CLDN15: variants seen among roughly 807,000 people sequenced by gnomAD.
The protein encoded by CLDN15 is claudin 15.
CLDN15 carries 9 observed loss-of-function variants against 24.5 expected under a neutral mutation model. The ratio of observed to expected loss-of-function variants is 0.37; its 90% CI spans 0.22 to 0.64. The LOEUF is 0.64. Among genes scored for constraint, CLDN15 ranks in the 30% least tolerant of loss-of-function variants. CLDN15 has a pLI of 0.63. For synonymous variants in CLDN15, 149 were observed against 131.4 expected (o/e 1.13, Z -0.92); for missense variants, 248 against 305.9 (o/e 0.81, Z 1.41).
chr7:101,232,654 G>A lies in CLDN15; in HGVS notation c.531C>T (p.Leu177=), dbSNP rs769567364. The A allele has an allele frequency of 6.3e-6, 10 of 1,587,416 alleles. No homozygotes were observed. In the East Asian group the frequency reaches 2.1e-4, roughly 33 times the overall value. ...CGCAGCAGCAGGCGGAGCAGAGGCA[G>A]AGGCCACCCAGGATGGAGATCAGTG... is the stretch of plus-strand genomic sequence containing the variant. ...SASLISILGG[L]CLCSACCCGS... The change falls in exon 4 of 5, where the codon CTC becomes CTT. Residue 177 remains leucine (L), a synonymous_variant. Coordinates refer to ENST00000308344, the MANE Select transcript of CLDN15 (RefSeq NM_014343.3).
Position 101,232,318 on chromosome 7 carries a change from G to A in CLDN15, c.*92C>T. ...GGGGCTACGGGAGCGGGGCGTGGCC[G>A]GCCCCTGAGGTTACTATAGGGGAAT... is the stretch of plus-strand genomic sequence containing the variant. On this transcript the variant is annotated 3_prime_UTR_variant, in exon 5 of 5. Transcript: ENST00000308344. 3 of 877,072 alleles carry A rather than the reference G, an allele frequency of 3.4e-6. No individual in the cohort carries two copies. The highest frequency in any genetic ancestry group is 5.3e-6 in the Non-Finnish European group (3 of 566,858). 54.3% of individuals were successfully genotyped at this position (877,072 alleles called of 1,614,324 possible). A position where few individuals can be genotyped will look rare whatever the true frequency, so the allele number is the denominator to read the frequency against.
At chr7:101,237,859 C>A, upstream of CLDN15, 1 of 469,260 alleles carries the variant, frequency 2.1e-6, no homozygotes, top group South Asian at 2.2e-5. This position sits in a 1 kb window ranked among gnomAD's most constrained non-coding sequence, Gnocchi z 4.0. Context: ...CCGAAACGGG[C>A]CAAAAGTCCA....
chr7:101,237,392 C>G lies in CLDN15; in HGVS notation c.190G>C (p.Glu64Gln). 6.2e-7 allele frequency: 1 copy of G among 1,612,478 alleles called. No individual in the cohort carries two copies. The highest frequency in any genetic ancestry group is 2.2e-5 in the East Asian group (1 of 44,834). Residue 64 changes from glutamate (E) to glutamine (Q), a missense_variant, in exon 1 of 5, where the codon GAG becomes CAG. By Grantham distance (29) the Glu-to-Gln change is conservative. Coordinates refer to ENST00000308344, the MANE Select transcript of CLDN15 (RefSeq NM_014343.3). This position sits in a 1 kb window ranked among gnomAD's most constrained non-coding sequence, Gnocchi z 4.0. ...TDSLGVYNCW[E>Q]FPSMLALSGY... Reference sequence around the variant, plus strand: ...GAGAGGGCCAGCATGGACGGGAACTCCCAGCAGTTGTAGACGCCCAGGGAG... The same window carrying G: ...GAGAGGGCCAGCATGGACGGGAACTGCCAGCAGTTGTAGACGCCCAGGGAG...
Position 101,232,812 on chromosome 7 carries a change from G to C in CLDN15, c.464+21C>G, listed in dbSNP as rs145036902. ...CCACCCGCTGCCCCGAGGGCGGGGGGTGGGGGGTTTCCTCACTCACTTGGT... is the reference window on the plus strand; with the variant it reads ...CCACCCGCTGCCCCGAGGGCGGGGGCTGGGGGGTTTCCTCACTCACTTGGT... On this transcript the variant is annotated intron_variant, in intron 3 of 4. Transcript: ENST00000308344. 4.4e-6 allele frequency: 7 copies of C among 1,600,306 alleles called. No homozygotes were observed. In the East Asian group the frequency reaches 1.1e-4, roughly 26 times the overall value.
chr7:101,237,220 C>T lies in CLDN15; in HGVS notation c.217+145G>A, dbSNP rs11971079. 35,666 of 665,644 alleles carry T rather than the reference C, an allele frequency of 0.054. 1,113 individuals carry two copies. Among genetic ancestry groups the T allele is most frequent in the Non-Finnish European group, 0.066 (24,664 of 372,234 alleles). 41.2% of individuals were successfully genotyped at this position (665,644 alleles called of 1,614,324 possible). The stretch of plus-strand genomic sequence containing the variant: ...TCACTCCAGTTCTAGGCATGGGCCG[C>T]CCCCAGCACTCCTGGCTGCGGGAAC... On this transcript the variant is annotated intron_variant, in intron 1 of 4. Transcript: ENST00000308344. The surrounding 1 kb of genome is among the most constrained non-coding windows in gnomAD (Gnocchi z 4.0).
intron 2 of CLDN15, 176 bp downstream of exon 2, chr7:101,234,102 T>G: frequency 2.7e-6 from 2 of 740,788 alleles, no homozygotes; most frequent in East Asian, 2.6e-5. Context: ...ATGGGCTGAT[T>G]TGCAGCCAGG....
chr7:101,234,572 A>G (rs1798589128), intron 1 of CLDN15, 130 bp from the exon 2 acceptor site: 16 of 627,630 alleles, frequency 2.5e-5, no homozygotes, highest in Non-Finnish European at 4.2e-5. Flanking sequence ...GATTACAGAC[A>G]CGCACCACCA....
rs1045072153 is a variant in CLDN15, at chr7:101,232,727, A to G, written c.465-7T>C. 9 of 1,592,014 alleles carry G rather than the reference A, an allele frequency of 5.7e-6. No individual in the cohort carries two copies. The Admixed American group carries it at 6.9e-5, about 12-fold the overall frequency. On this transcript the variant is annotated splice_region_variant and splice_polypyrimidine_tract_variant and intron_variant, in intron 3 of 4. Transcript: ENST00000308344. ...GGCGGGGCCCAGCTCGTACCTGCGC[A>G]CAAGGGCGGCGCGGGGGCGGGGGAC...
intron 2 of CLDN15, chr7:101,233,955 G>GTT (rs1798572867): frequency 8.1e-6 from 4 of 494,906 alleles, no homozygotes; most frequent in Non-Finnish European, 1.6e-5. Context: ...CTGTGTGTGT[G>GTT]CGCCATAGCG....
chr7:101,236,213 T>C (rs1798618259), intron 1 of CLDN15, among the ~76,000 whole-genome samples: 1 of 151,864 alleles, frequency 6.6e-6, no homozygotes, highest in Non-Finnish European at 1.5e-5. Flanking sequence ...CACTCAGAAC[T>C]CTGGGGTTCT....
At position 101,233,610 on chromosome 7, in the gene CLDN15, A is replaced by AT. The variant is rs34812545; in HGVS notation, c.382+667dup. ...TCAAGGCAGTTCTCCTGCCTTGGCC[A>AT]TTTTTTTTTTGACAGTCTCACTCTT... On this transcript the variant is annotated intron_variant, in intron 2 of 4. Coordinates refer to ENST00000308344, the MANE Select transcript of CLDN15 (RefSeq NM_014343.3). Among the ~76,000 whole-genome samples, 867 of 149,086 alleles carry AT rather than the reference A, an allele frequency of 5.8e-3. 9 individuals carry two copies. The highest frequency in any genetic ancestry group is 0.02 in the African/African-American group (797 of 40,834).
At chr7:101,234,488 A>C in intron 1 of CLDN15, 46 bp from the exon 2 acceptor site, 2 of 1,458,624 alleles carry the variant, frequency 1.4e-6, no homozygotes, top group Non-Finnish European at 1.9e-6. Flanking sequence ...CCCCTCTGCG[A>C]CGGAGCCAGC....
Position 101,234,436 on chromosome 7 carries a change from A to C in CLDN15, c.224T>G (p.Ile75Ser). The C allele has an allele frequency of 6.2e-7, 1 of 1,610,952 alleles. No homozygotes were observed. Among genetic ancestry groups the C allele is most frequent in the Non-Finnish European group, 8.5e-7 (1 of 1,177,672 alleles). Residue 75 changes from isoleucine to serine, a missense_variant, in exon 2 of 5, where the codon ATT (isoleucine) becomes AGT (serine). By Grantham distance (142) the Ile-to-Ser change is moderately radical. Transcript: ENST00000308344. Reference protein sequence around the residue: ...FPSMLALSGYIQACRALMITA... With the variant: ...FPSMLALSGYSQACRALMITA... Reference sequence around the variant, plus strand: ...GATCATGAGTGCCCGGCAGGCCTGAATATACCCTGGGGGTGGGCACAGTTG... The same window carrying C: ...GATCATGAGTGCCCGGCAGGCCTGACTATACCCTGGGGGTGGGCACAGTTG...
rs563029239 is a variant in CLDN15, at chr7:101,233,001, C to T, written c.383-87G>A. 5.0e-3 allele frequency: 4,407 copies of T among 889,914 alleles called. 19 individuals carry two copies. The highest frequency in any genetic ancestry group is 5.7e-3 in the Non-Finnish European group (3,113 of 544,620). 55.1% of individuals were successfully genotyped at this position (889,914 alleles called of 1,614,324 possible). On this transcript the variant is annotated intron_variant, in intron 2 of 4. Coordinates refer to ENST00000308344, the MANE Select transcript of CLDN15 (RefSeq NM_014343.3). ...AGGGGAGAGGCAGGCAGGGGCTGCC[C>T]AGAGTAGGACGGGGGCACCAAGTCC... is the stretch of plus-strand genomic sequence containing the variant.
At position 101,237,483 on chromosome 7, in the gene CLDN15, A is replaced by T. The variant is rs764733795; in HGVS notation, c.99T>A (p.Thr33=). Residue 33 remains threonine (T), a synonymous_variant, in exon 1 of 5, where the codon ACT becomes ACA. Transcript: ENST00000308344. This position sits in a 1 kb window ranked among gnomAD's most constrained non-coding sequence, Gnocchi z 4.0. ...TGGTGGTGATGACGTTCCCGTGCAC[A>T]GTGGACACTCGCCAGTAGCTGTTTG... The part of the protein sequence containing the change: ...TLPNSYWRVS[T]VHGNVITTNT... 6.2e-7 allele frequency: 1 copy of T among 1,614,100 alleles called. No individual in the cohort carries two copies. The highest frequency in any genetic ancestry group is 1.7e-5 in the Admixed American group (1 of 60,014).
Position 101,237,770 on chromosome 7 carries a change from G to T in CLDN15, c.-189C>A. 8.2e-6 allele frequency: 5 copies of T among 609,772 alleles called. No individual in the cohort carries two copies. Among genetic ancestry groups the T allele is most frequent in the Non-Finnish European group, 1.5e-5 (5 of 341,372 alleles). The allele number at this position is 609,772 out of a possible 1,614,324, so 37.8% of individuals were successfully genotyped here. ...ACTTTCTGCCTCCCTCCTGCTCTGT[G>T]GGTCTCTCTGCTTCCTGGCAGGTCA... On this transcript the variant is annotated 5_prime_UTR_variant, in exon 1 of 5. Coordinates refer to ENST00000308344, the MANE Select transcript of CLDN15 (RefSeq NM_014343.3). The surrounding 1 kb of genome is among the most constrained non-coding windows in gnomAD (Gnocchi z 4.0).
chr7:101,236,866 A>T, intron 1 of CLDN15: 1 of 1,236,766 alleles, frequency 8.1e-7, no homozygotes, highest in Non-Finnish European at 1.1e-6. Flanking sequence ...CCCGACAGTG[A>T]GGCTGGGGAG....
At position 101,232,934 on chromosome 7, in the gene CLDN15, C is replaced by T; in HGVS notation, c.383-20G>A. The T allele has an allele frequency of 6.3e-7, 1 of 1,593,634 alleles. No homozygotes were observed. Among genetic ancestry groups the T allele is most frequent in the Non-Finnish European group, 8.6e-7 (1 of 1,162,830 alleles). The stretch of plus-strand genomic sequence containing the variant: ...AGATACCTGGGGACCGGAGGACGAC[C>T]CCAGTCCAGTCCAGGGGGAGGGATA... On this transcript the variant is annotated intron_variant, in intron 2 of 4. Transcript: ENST00000308344.
rs1798645135 is a variant in CLDN15, at chr7:101,237,250, AC to A, written c.217+114del. 7 of 749,466 alleles carry A rather than the reference AC, an allele frequency of 9.3e-6. No individual in the cohort carries two copies. The South Asian group carries it at 1.1e-4, about 12-fold the overall frequency. The allele number at this position is 749,466 out of a possible 1,614,324, so 46.4% of individuals were successfully genotyped here. The stretch of plus-strand genomic sequence containing the variant: ...AGCACTCCTGGCTGCGGGAACTCAG[AC>A]CCGCAGAGCTTAATTCAGGGCTCCC... On this transcript the variant is annotated intron_variant, in intron 1 of 4. Transcript: ENST00000308344. This position sits in a 1 kb window ranked among gnomAD's most constrained non-coding sequence, Gnocchi z 4.0.
Sources: gnomAD v4.1 joint callset for allele counts (sites outside exome capture counted in the v4.1 genomes callset) on GRCh38, gnomAD v4.1.1 for gene constraint, Gnocchi (gnomAD v3.1) non-coding constraint, MANE v1.5 for transcripts, NCBI Gene and HGNC (gene_info 2026-07-23, HGNC 2026-07-21) for gene names.